Variants in SEPTIN10 observed in about 807,000 individuals in gnomAD.
SEPTIN10 encodes septin 10.
SEPTIN10 carries 66 observed loss-of-function variants against 54.8 expected under a neutral mutation model. The ratio of observed to expected loss-of-function variants is 1.21; its 90% CI spans 0.99 to 1.48. The LOEUF (loss-of-function observed/expected upper bound fraction) is 1.48, where lower values mean the gene tolerates loss of function less well. SEPTIN10 is among the 40% of genes most tolerant of loss of function. The pLI is 0.00. For missense variants in SEPTIN10, 620 were observed against 545.6 expected (o/e 1.14, Z -1.36); for synonymous variants, 161 against 181.0 (o/e 0.89, Z 0.89).
chr2:109,586,661 G>C (rs887439307), intron 2 of SEPTIN10, among the ~76,000 whole-genome samples: 1 of 152,172 alleles, frequency 6.6e-6, no homozygotes, highest in Admixed American at 6.5e-5. Context: ...ATGGGAATTG[G>C]GAGGAGCTAT....
At chr2:109,599,038 TAAAA>T (rs2106103788) in intron 1 of SEPTIN10, among the ~76,000 whole-genome samples, 1 of 152,272 alleles carries the variant, frequency 6.6e-6, no homozygotes, top group South Asian at 2.1e-4. Context: ...AAATTCAAGT[TAAAA>T]TAAAGTTACA....
At chr2:109,599,087 T>C (rs1323184166) in intron 1 of SEPTIN10, among the ~76,000 whole-genome samples, 2 of 152,024 alleles carry the variant, frequency 1.3e-5, no homozygotes, top group Non-Finnish European at 2.9e-5. Context: ...TTAAAACAAG[T>C]AGTAACATTC....
intron 4 of SEPTIN10, among the ~76,000 whole-genome samples, chr2:109,575,873 TA>T (rs1689566981): frequency 6.6e-6 from 1 of 152,204 alleles, no homozygotes; most frequent in African/African-American, 2.4e-5. Context: ...TCACCTCTTT[TA>T]AAATTATAGA....
intron 4 of SEPTIN10, 51 bp from the exon 5 acceptor site, chr2:109,574,818 A>T: frequency 7.5e-7 from 1 of 1,329,804 alleles, no homozygotes; most frequent in Non-Finnish European, 1.0e-6. Flanking sequence ...CTACCTTAAG[A>T]TATCTGTGCA....
chr2:109,593,408 A>ATTTTTTT (rs1694552904), intron 1 of SEPTIN10, among the ~76,000 whole-genome samples: 1 of 97,120 alleles, frequency 1.0e-5, no homozygotes, highest in Non-Finnish European at 2.1e-5. Context: ...GAGAGAAAGA[A>ATTTTTTT]CTTTTTTTTT....
intron 5 of SEPTIN10, among the ~76,000 whole-genome samples, chr2:109,572,380 G>A (rs955832939): frequency 3.3e-5 from 5 of 152,020 alleles, no homozygotes; most frequent in East Asian, 1.9e-4. Context: ...TGACTTGCCC[G>A]CCTCGGCCTC....
chr2:109,561,109 C>A (rs1323820314), intron 8 of SEPTIN10, among the ~76,000 whole-genome samples: 1 of 152,190 alleles, frequency 6.6e-6, no homozygotes, highest in Non-Finnish European at 1.5e-5. Context: ...AGGGCCTCCA[C>A]AGCTGCTGCC....
rs1000563086 is a variant in SEPTIN10 at position 109,613,925 on chromosome 2, G to C, written c.-98C>G. ...GGGAAGGCCGGAGGGCAGAAGCAAC[G>C]GGCGGGGCGCGAGGCTAGGCTGCCT... On this transcript the variant is annotated 5_prime_UTR_variant, in exon 1 of 11. Transcript: ENST00000397712. 2.0e-5 allele frequency: 24 copies of C among 1,222,804 alleles called. No individual in the cohort carries two copies. Among genetic ancestry groups the C allele is most frequent in the Admixed American group, 4.3e-5 (1 of 23,312 alleles). 75.7% of individuals were successfully genotyped at this position (1,222,804 alleles called of 1,614,324 possible).
At position 109,566,353 on chromosome 2, in the gene SEPTIN10, T is replaced by C. The variant is rs577183874; in HGVS notation, c.763-494A>G. Among the ~76,000 whole-genome samples, 6 of 152,162 alleles carry C rather than the reference T, an allele frequency of 3.9e-5. 1 individual carries two copies. Among genetic ancestry groups the C allele is most frequent in the African/African-American group, 1.4e-4 (6 of 41,526 alleles). On this transcript the variant is annotated intron_variant, in intron 6 of 10. Transcript: ENST00000397712. Reference sequence around the variant, plus strand: ...CCAGGCTTGTCTCGAACTCCTGACCTCAGGTGATCCACCTGTCTTGGGATT... The same window carrying C: ...CCAGGCTTGTCTCGAACTCCTGACCCCAGGTGATCCACCTGTCTTGGGATT...
At chr2:109,544,818 C>CAACT (rs2104514710) in intron 10 of SEPTIN10, 2 of 749,534 alleles carry the variant, frequency 2.7e-6, no homozygotes, top group South Asian at 1.2e-4. Flanking sequence ...ATGTACCAGA[C>CAACT]AACTGCTCTA....
chr2:109,575,280 G>A (rs976945992), intron 4 of SEPTIN10, among the ~76,000 whole-genome samples: 1 of 152,308 alleles, frequency 6.6e-6, no homozygotes, highest in African/African-American at 2.4e-5. Context: ...AACTAACTGA[G>A]AAAATGCATA....
At chr2:109,600,014 T>C (rs1440413211) in intron 1 of SEPTIN10, among the ~76,000 whole-genome samples, 4 of 152,148 alleles carry the variant, frequency 2.6e-5, no homozygotes, top group African/African-American at 9.7e-5. Context: ...CCTACAAAGA[T>C]TGCAGCTTGC....
intron 4 of SEPTIN10, among the ~76,000 whole-genome samples, chr2:109,580,408 T>G (rs1385811612): frequency 6.7e-6 from 1 of 149,934 alleles, no homozygotes; most frequent in Non-Finnish European, 1.5e-5. Context: ...AAAAAGAACT[T>G]TTACTAATAA....
intron 10 of SEPTIN10, chr2:109,545,238 G>A: frequency 7.4e-7 from 1 of 1,353,360 alleles, no homozygotes; most frequent in Non-Finnish European, 9.5e-7. Context: ...AAGGCATGAT[G>A]AATTTCCTCA....
At chr2:109,604,903 G>A (rs1697586589) in intron 1 of SEPTIN10, 1 of 152,242 alleles carries the variant, frequency 6.6e-6, no homozygotes, top group African/African-American at 2.4e-5. Context: ...GAGTCCAAGT[G>A]ACTCAAACTA....
intron 4 of SEPTIN10, among the ~76,000 whole-genome samples, chr2:109,576,238 G>A (rs546844891): frequency 1.3e-5 from 2 of 152,118 alleles, no homozygotes; most frequent in South Asian, 2.1e-4. Flanking sequence ...ACCAGCCTAG[G>A]TGACAACGCA....
chr2:109,590,699 G>A (rs1303644077), intron 2 of SEPTIN10, among the ~76,000 whole-genome samples: 7 of 152,172 alleles, frequency 4.6e-5, no homozygotes, highest in African/African-American at 9.7e-5. Context: ...AAAGTGCTAG[G>A]ATTACAGGTG....
intron 4 of SEPTIN10, among the ~76,000 whole-genome samples, chr2:109,577,380 G>A (rs915538096): frequency 2.0e-5 from 3 of 152,066 alleles, no homozygotes; most frequent in Admixed American, 2.0e-4. Context: ...GATCACCTGA[G>A]GTCAGGAGTT....
In SEPTIN10 at chr2:109,564,410, C is replaced by T. The variant is rs997501201; in HGVS notation, c.984G>A (p.Glu328=). ...HYELYRRCKL[E]EMGFTDVGPE... ...GGCCCACATCTGTAAAGCCCATTTC[C>T]TCCAGTTTGCAGCGCCTGTAAAGCT... The change falls in exon 8 of 11, where the codon GAG becomes GAA. Residue 328 remains glutamate, a synonymous_variant. Coordinates refer to ENST00000397712, the MANE Select transcript of SEPTIN10 (RefSeq NM_144710.5). 8 of 1,592,464 alleles carry T rather than the reference C, an allele frequency of 5.0e-6. No homozygotes were observed. Among genetic ancestry groups the T allele is most frequent in the Non-Finnish European group, 6.9e-6 (8 of 1,166,774 alleles).
Sources: allele counts gnomAD v4.1 joint callset (sites outside exome capture counted in the v4.1 genomes callset), GRCh38; gene constraint gnomAD v4.1.1; transcripts MANE v1.5; gene names NCBI Gene and HGNC (gene_info 2026-07-23, HGNC 2026-07-21).